SLC4A10: variants seen among roughly 807,000 people sequenced by gnomAD.
The protein encoded by SLC4A10 is solute carrier family 4 member 10, also known as sodium-driven chloride bicarbonate exchanger.
Under a neutral mutation model 137.7 loss-of-function variants are expected in SLC4A10, and 42 were observed. That is an observed-to-expected ratio of 0.30 (90% CI 0.24 to 0.39). SLC4A10 has a LOEUF of 0.39. Among genes scored for constraint, SLC4A10 ranks in the 10% least tolerant of loss-of-function variants. SLC4A10 has a pLI of 1.00. For synonymous variants in SLC4A10, 474 were observed against 464.1 expected (o/e 1.02, Z -0.27); for missense variants, 925 against 1,355.0 (o/e 0.68, Z 4.98).
At chr2:161,819,883 A>G (rs1575121616) in intron 3 of SLC4A10, among the ~76,000 whole-genome samples, 1 of 152,310 alleles carries the variant, frequency 6.6e-6, no homozygotes, top group East Asian at 1.9e-4. Flanking sequence ...GCTGCTTTAA[A>G]TTGGTAAGTT....
chr2:161,935,987 A>G (rs1691515507), intron 15 of SLC4A10, among the ~76,000 whole-genome samples: 2 of 152,126 alleles, frequency 1.3e-5, no homozygotes, highest in East Asian at 1.9e-4. Context: ...GAGAGTTTCT[A>G]TCATGAAAGA....
Position 161,839,835 on chromosome 2 carries a change from T to C in SLC4A10, c.324T>C (p.Asp108=). Residue 108 remains aspartate, a synonymous_variant, in exon 4 of 27, where the codon GAT becomes GAC. Transcript: ENST00000446997. The stretch of plus-strand genomic sequence containing the variant: ...AGTTTATTCTTGGAACCGAGGATGA[T>C]GACGAGGAACACATTCCTCATGACC... The part of the protein sequence containing the change: ...RVQFILGTED[D]DEEHIPHDLF... 1.2e-6 allele frequency: 2 copies of C among 1,613,926 alleles called. No homozygotes were observed. The highest frequency in any genetic ancestry group is 1.7e-6 in the Non-Finnish European group (2 of 1,179,856).
At chr2:161,692,900 T>A (rs142179858) in intron 1 of SLC4A10, among the ~76,000 whole-genome samples, 55 of 151,066 alleles carry the variant, frequency 3.6e-4, no homozygotes, top group African/African-American at 1.3e-3. Context: ...TTAGCAGCCA[T>A]GTATCGTAAA....
chr2:161,689,293 T>G (rs1008038331), intron 1 of SLC4A10, among the ~76,000 whole-genome samples: 1 of 152,178 alleles, frequency 6.6e-6, no homozygotes, highest in African/African-American at 2.4e-5. Context: ...ACTCGCTGAC[T>G]CACCCAGAGC....
chr2:161,847,655 C>CACTT (rs1162741588), intron 4 of SLC4A10, among the ~76,000 whole-genome samples: 2 of 152,064 alleles, frequency 1.3e-5, no homozygotes, highest in African/African-American at 4.8e-5. Flanking sequence ...TGCATTAGTT[C>CACTT]ACTTAGGATA....
intron 1 of SLC4A10, among the ~76,000 whole-genome samples, chr2:161,660,653 T>TTCC (rs1172762812): frequency 7.0e-6 from 1 of 141,956 alleles, no homozygotes; most frequent in African/African-American, 2.8e-5. Flanking sequence ...TCTTTCTTTC[T>TTCC]TTCTTTCCTT....
Position 161,944,716 on chromosome 2 carries a change from C to T in SLC4A10, c.2103+1819C>T, listed in dbSNP as rs1194475670. Among the ~76,000 whole-genome samples the T allele has an allele frequency of 2.0e-5, 3 of 151,302 alleles. No homozygotes were observed. In the South Asian group the frequency reaches 6.2e-4, roughly 31 times the overall value. On this transcript the variant is annotated intron_variant, in intron 16 of 26. Transcript: ENST00000446997. ...GCAATGGATAATTGCTAAACTTGAC[C>T]AGAAACAGTCTTTATCACCAGAGGG... is the stretch of plus-strand genomic sequence containing the variant.
intron 15 of SLC4A10, among the ~76,000 whole-genome samples, chr2:161,941,623 A>G (rs553867455): frequency 1.5e-4 from 23 of 152,206 alleles, no homozygotes; most frequent in African/African-American, 5.5e-4. Flanking sequence ...CTCCATGTTC[A>G]GTGTTCTCTT....
chr2:161,940,107 A>G (rs1398250292), intron 15 of SLC4A10, among the ~76,000 whole-genome samples: 2 of 152,176 alleles, frequency 1.3e-5, no homozygotes, highest in African/African-American at 4.8e-5. Flanking sequence ...ATGAAGAAAC[A>G]TTTATTCCAA....
chr2:161,892,435 C>T (rs1325364172), intron 10 of SLC4A10, among the ~76,000 whole-genome samples: 1 of 151,706 alleles, frequency 6.6e-6, no homozygotes, highest in Non-Finnish European at 1.5e-5. Flanking sequence ...ATCTCTTTCT[C>T]AAAATACAAC....
intron 16 of SLC4A10, 68 bp downstream of exon 16, chr2:161,942,965 C>T: frequency 7.8e-7 from 1 of 1,279,126 alleles, no homozygotes; most frequent in East Asian, 2.5e-5. Flanking sequence ...CAATTATTGC[C>T]ATTACAGTAA....
Position 161,905,790 on chromosome 2 carries a change from A to G in SLC4A10, c.1900A>G (p.Ile634Val), listed in dbSNP as rs572184720. The stretch of plus-strand genomic sequence containing the variant: ...AGAAGCTTTTGCTTCCCTGATTTGC[A>G]TCATTTTCATTTATGAGGCCCTGGA... ...TEEAFASLICIIFIYEALEKL... is the reference protein window; with the variant it reads ...TEEAFASLICVIFIYEALEKL... The change falls in exon 15 of 27, where the codon ATC (isoleucine) becomes GTC (valine). Residue 634 changes from isoleucine (I) to valine (V), a missense_variant. Around this residue, in one of 11 missense-constraint regions of SLC4A10, gnomAD observed 61 missense variants for 168.0 expected, o/e 0.36. Coordinates refer to ENST00000446997, the MANE Select transcript of SLC4A10 (RefSeq NM_001178015.2). 36 of 1,613,950 alleles carry G rather than the reference A, an allele frequency of 2.2e-5. No individual in the cohort carries two copies. In the East Asian group the frequency reaches 7.6e-4, roughly 34 times the overall value.
chr2:161,904,421 C>G (rs562869523), intron 13 of SLC4A10, among the ~76,000 whole-genome samples: 1 of 152,218 alleles, frequency 6.6e-6, no homozygotes, highest in East Asian at 1.9e-4. Context: ...GCCCTCAGCG[C>G]CCCCAATCCT....
chr2:161,950,634 T>C (rs1437444515), intron 18 of SLC4A10, 53 bp from the exon 19 acceptor site: 2 of 1,529,586 alleles, frequency 1.3e-6, no homozygotes, highest in Non-Finnish European at 1.8e-6. Flanking sequence ...CCTAATTTGA[T>C]CAAGTATTCA....
intron 1 of SLC4A10, among the ~76,000 whole-genome samples, chr2:161,736,708 T>A (rs1372086763): frequency 2.0e-5 from 3 of 152,134 alleles, no homozygotes; most frequent in Admixed American, 6.5e-5. Flanking sequence ...CACATGGGGA[T>A]CATGGGAACT....
rs148647950 is a variant in SLC4A10, at chr2:161,967,582, T to G, written c.3159+2409T>G. On this transcript the variant is annotated intron_variant, in intron 23 of 26. Transcript: ENST00000446997. ...ACTTTGCAAACATTTATTCCTGATTTAATCCACCCCTACTATGGCCTCAGT... is the reference window on the plus strand; with the variant it reads ...ACTTTGCAAACATTTATTCCTGATTGAATCCACCCCTACTATGGCCTCAGT... 2.7e-3 allele frequency among the ~76,000 whole-genome samples: 408 copies of G among 152,338 alleles called. 9 individuals are homozygous for G. In the East Asian group the frequency reaches 0.055, roughly 21 times the overall value.
chr2:161,967,895 A>G (rs1336482235), intron 23 of SLC4A10, among the ~76,000 whole-genome samples: 1 of 151,888 alleles, frequency 6.6e-6, no homozygotes. Context: ...ACTATTAATT[A>G]TACTCAAGCA....
At chr2:161,749,584 C>G (rs909677901) in intron 1 of SLC4A10, among the ~76,000 whole-genome samples, 1 of 151,756 alleles carries the variant, frequency 6.6e-6, no homozygotes, top group South Asian at 2.1e-4. Flanking sequence ...GTTAAACCAC[C>G]CTTGCATCCC....
intron 15 of SLC4A10, among the ~76,000 whole-genome samples, chr2:161,920,617 T>C (rs933939950): frequency 1.3e-5 from 2 of 152,244 alleles, no homozygotes; most frequent in African/African-American, 4.8e-5. Context: ...TTTCTAAAGA[T>C]GAATTTTGTG....
Sources: gnomAD v4.1 joint callset for allele counts (sites outside exome capture counted in the v4.1 genomes callset) on GRCh38, gnomAD v4.1.1 for gene constraint, gnomAD v4.1.1 regional missense constraint, MANE v1.5 for transcripts, NCBI Gene and HGNC (gene_info 2026-07-23, HGNC 2026-07-21) for gene names.